Variants in RAI14 observed in about 807,000 individuals in gnomAD.
RAI14 encodes the protein ankycorbin.
A neutral mutation model predicts 115.4 loss-of-function variants in RAI14; 45 were observed. The ratio of observed to expected loss-of-function variants is 0.39; its 90% confidence interval spans 0.31 to 0.50. The LOEUF is 0.50. RAI14 is among the 20% of genes least tolerant of loss of function. RAI14 has a pLI of 0.85. For synonymous variants in RAI14, 371 were observed against 415.4 expected, an observed-to-expected ratio of 0.89 and a Z score of 1.30; for missense variants, 939 against 1,131.2, an observed-to-expected ratio of 0.83 and a Z score of 2.44.
rs1016606764 is a variant in RAI14 at position 34,764,693 on chromosome 5, G to GT, written c.167+7105dup. On this transcript the variant is annotated intron_variant, in intron 3 of 17. Coordinates refer to ENST00000265109, the MANE Select transcript of RAI14 (RefSeq NM_015577.3). ...ATTATATTAAAGTAACAATTCTCGA[G>GT]TTTTTTTTTTAAAGGAAGCAGTGTT... Among the ~76,000 whole-genome samples, 492 of 148,714 alleles carry GT rather than the reference G, an allele frequency of 3.3e-3. 2 individuals carry two copies. Among genetic ancestry groups the GT allele is most frequent in the African/African-American group, 0.011 (443 of 40,668 alleles).
At chr5:34,660,461 T>C (rs113472810) in intron 1 of RAI14, among the ~76,000 whole-genome samples, 15,490 of 152,140 alleles carry the variant, frequency 0.1, 889 homozygotes, top group African/African-American at 0.14. Flanking sequence ...AAAGAAAAAG[T>C]GGCTCTTCAT....
Position 34,823,947 on chromosome 5 carries a change from T to C in RAI14, c.2105T>C (p.Met702Thr), listed in dbSNP as rs772958448. ...AAAGCAGAAGATGCACTGTCTGAAATGAAGTCTCAGTATTCAAAAGTGTTG... is the reference window on the plus strand; with the variant it reads ...AAAGCAGAAGATGCACTGTCTGAAACGAAGTCTCAGTATTCAAAAGTGTTG... Reference protein sequence around the residue: ...RAKAEDALSEMKSQYSKVLNE... With the variant: ...RAKAEDALSETKSQYSKVLNE... Residue 702 changes from methionine (M) to threonine (T), a missense_variant, in exon 15 of 18, where the codon ATG (methionine) becomes ACG (threonine). Physicochemically the swap from Met to Thr is moderately conservative, Grantham distance 81. Coordinates refer to ENST00000265109, the MANE Select transcript of RAI14 (RefSeq NM_015577.3). This position sits in a 1 kb window ranked among gnomAD's most constrained non-coding sequence, Gnocchi z 4.5. 11 of 1,614,074 alleles carry C rather than the reference T, an allele frequency of 6.8e-6. No homozygotes were observed. The Admixed American group carries it at 1.8e-4, about 27-fold the overall frequency.
chr5:34,764,568 T>TCA (rs1320911614), intron 3 of RAI14, among the ~76,000 whole-genome samples: 5 of 136,636 alleles, frequency 3.7e-5, no homozygotes, highest in South Asian at 2.2e-4. Context: ...TCTCTCTCTC[T>TCA]CTCACACACA....
intron 13 of RAI14, among the ~76,000 whole-genome samples, chr5:34,821,352 G>A (rs1756808141): frequency 1.3e-5 from 2 of 151,958 alleles, no homozygotes; most frequent in African/African-American, 4.8e-5. Context: ...GGTGGTAGGG[G>A]GAAAGAAATA....
intron 2 of RAI14, among the ~76,000 whole-genome samples, chr5:34,719,338 C>A (rs1377667521): frequency 6.6e-6 from 1 of 152,172 alleles, no homozygotes; most frequent in Admixed American, 6.5e-5. Flanking sequence ...TCATCCATCC[C>A]CTGTCATGGT....
rs146275832 is a variant in RAI14 at position 34,820,075 on chromosome 5, A to C, written c.994+1224A>C. Among the ~76,000 whole-genome samples, 942 of 152,316 alleles carry C rather than the reference A, an allele frequency of 6.2e-3. 6 individuals carry two copies. The highest frequency in any genetic ancestry group is 0.021 in the African/African-American group (893 of 41,570). On this transcript the variant is annotated intron_variant, in intron 13 of 17. Coordinates refer to ENST00000265109, the MANE Select transcript of RAI14 (RefSeq NM_015577.3). Reference sequence around the variant, plus strand: ...GTTCATTCCACACTCACCAGACTTCATGTCAAGGAAACTCAGCTGTGATTT... The same window carrying C: ...GTTCATTCCACACTCACCAGACTTCCTGTCAAGGAAACTCAGCTGTGATTT...
intron 2 of RAI14, among the ~76,000 whole-genome samples, chr5:34,713,738 T>C (rs1741676754): frequency 6.6e-6 from 1 of 152,092 alleles, no homozygotes; most frequent in African/African-American, 2.4e-5. Context: ...GATGGCTTCA[T>C]TGTCTATGGG....
intron 3 of RAI14, among the ~76,000 whole-genome samples, chr5:34,777,337 G>A (rs58051587): frequency 0.058 from 8,770 of 152,164 alleles, 308 homozygotes; most frequent in Middle Eastern, 0.16. Flanking sequence ...ATACTATTTG[G>A]CCATAAAAAG....
chr5:34,773,122 A>G (rs1750397232), intron 3 of RAI14, among the ~76,000 whole-genome samples: 1 of 152,180 alleles, frequency 6.6e-6, no homozygotes, highest in African/African-American at 2.4e-5. Flanking sequence ...TTGTTTTCAA[A>G]CAAACTTTGA....
chr5:34,726,072 A>G (rs1298997042), intron 2 of RAI14, among the ~76,000 whole-genome samples: 2 of 151,740 alleles, frequency 1.3e-5, no homozygotes, highest in African/African-American at 4.8e-5. Flanking sequence ...TTATACTAGT[A>G]TTTTGTAAAA....
At chr5:34,691,913 T>G (rs1055604793) in intron 2 of RAI14, among the ~76,000 whole-genome samples, 5 of 152,170 alleles carry the variant, frequency 3.3e-5, no homozygotes, top group Non-Finnish European at 7.3e-5. Flanking sequence ...CCCATGAATC[T>G]TAAAGAACCA....
At chr5:34,766,725 A>C (rs1305113450) in intron 3 of RAI14, among the ~76,000 whole-genome samples, 1 of 152,120 alleles carries the variant, frequency 6.6e-6, no homozygotes, top group African/African-American at 2.4e-5. Flanking sequence ...GGCATGACTG[A>C]TTTTGAAATT....
At chr5:34,692,206 T>C (rs1165851918) in intron 2 of RAI14, among the ~76,000 whole-genome samples, 1 of 152,074 alleles carries the variant, frequency 6.6e-6, no homozygotes, top group Non-Finnish European at 1.5e-5. Context: ...GAGGTTGCAG[T>C]GAGCTGAGAT....
intron 12 of RAI14, among the ~76,000 whole-genome samples, chr5:34,817,058 A>C (rs1393543111): frequency 6.6e-6 from 1 of 152,036 alleles, no homozygotes; most frequent in African/African-American, 2.4e-5. Flanking sequence ...CGGGTGGATC[A>C]TGAGGTCAGG....
At chr5:34,707,387 AACCT>A in intron 2 of RAI14, among the ~76,000 whole-genome samples, 1 of 152,198 alleles carries the variant, frequency 6.6e-6, no homozygotes, top group Non-Finnish European at 1.5e-5. Context: ...GAATCTCTTG[AACCT>A]GGGAGGCGGG....
chr5:34,807,715 A>C, intron 5 of RAI14, 85 bp from the exon 6 acceptor site: 5 of 1,069,234 alleles, frequency 4.7e-6, no homozygotes, highest in Non-Finnish European at 7.3e-6. Context: ...AATAAGTCAC[A>C]TCATACCTTG....
intron 2 of RAI14, among the ~76,000 whole-genome samples, chr5:34,705,794 T>A (rs1322262534): frequency 6.6e-6 from 1 of 152,124 alleles, no homozygotes; most frequent in African/African-American, 2.4e-5. Context: ...ATTACAGACA[T>A]GCACCACCAC....
chr5:34,831,054 C>G lies in RAI14; in HGVS notation c.*289C>G. ...GGTCCTGATGCTGGCAGGGGGGCCCCCTCCTCCATCCCTGACTGGCTGAGT... is the reference window on the plus strand; with the variant it reads ...GGTCCTGATGCTGGCAGGGGGGCCCGCTCCTCCATCCCTGACTGGCTGAGT... On this transcript the variant is annotated 3_prime_UTR_variant, in exon 18 of 18. Coordinates refer to ENST00000265109, the MANE Select transcript of RAI14 (RefSeq NM_015577.3). 2.8e-6 allele frequency: 1 copy of G among 359,366 alleles called. No homozygotes were observed. Among genetic ancestry groups the G allele is most frequent in the East Asian group, 6.1e-5 (1 of 16,274 alleles). The allele number at this position is 359,366 out of a possible 1,614,324, so 22.3% of individuals were successfully genotyped here. A position where few individuals can be genotyped will look rare whatever the true frequency, so the allele number is the denominator to read the frequency against.
chr5:34,824,114 C>A lies in RAI14; in HGVS notation c.2272C>A (p.Leu758Ile). Residue 758 changes from leucine (L) to isoleucine (I), a missense_variant, in exon 15 of 18, where the codon CTT becomes ATT. Physicochemically the swap from Leu to Ile is conservative, Grantham distance 5 (BLOSUM62 2). Coordinates refer to ENST00000265109, the MANE Select transcript of RAI14 (RefSeq NM_015577.3). Reference protein sequence around the residue: ...EEKISNLKEHLASKEVEVAKL... With the variant: ...EEKISNLKEHIASKEVEVAKL... ...AAAAATAAGCAATCTTAAGGAACAC[C>A]TTGCAAGCAAGGAAGTGGAAGTAGC... The A allele has an allele frequency of 4.3e-6, 7 of 1,614,098 alleles. No homozygotes were observed. The highest frequency in any genetic ancestry group is 5.1e-6 in the Non-Finnish European group (6 of 1,179,948).
Sources: allele counts gnomAD v4.1 joint callset (sites outside exome capture counted in the v4.1 genomes callset), GRCh38; gene constraint gnomAD v4.1.1; non-coding constraint Gnocchi (gnomAD v3.1); transcripts MANE v1.5; gene names NCBI Gene and HGNC (gene_info 2026-07-23, HGNC 2026-07-21).